Variants in CTNNA2 observed in about 807,000 individuals in gnomAD.
The protein encoded by CTNNA2 is catenin alpha-2.
In CTNNA2, 42 loss-of-function variants were observed where a neutral mutation model predicts 101.0. The observed-to-expected ratio is 0.42, with a 90% CI of 0.32 to 0.54. The LOEUF is 0.54. Ranked by LOEUF, CTNNA2 falls within the 20% of genes least tolerant of loss-of-function variation. The pLI is 0.14. For synonymous variants in CTNNA2, 450 were observed against 456.4 expected (o/e 0.99, Z 0.18); for missense variants, 871 against 1,223.1 (o/e 0.71, Z 4.29).
intron 2 of CTNNA2, among the ~76,000 whole-genome samples, chr2:79,242,671 A>T (rs1674641750): frequency 6.6e-6 from 1 of 152,138 alleles, no homozygotes; most frequent in Admixed American, 6.6e-5. Flanking sequence ...ATTCATTTTT[A>T]ATATGTTAAT....
chr2:80,302,886 C>A lies in CTNNA2; in HGVS notation c.1057-90325C>A, dbSNP rs1255827883. 1 of 1,614,124 alleles carries A rather than the reference C, an allele frequency of 6.2e-7. No individual in the cohort carries two copies. Among genetic ancestry groups the A allele is most frequent in the South Asian group, 1.1e-5 (1 of 91,078 alleles). On this transcript the variant is annotated intron_variant, in intron 7 of 18. Coordinates refer to ENST00000402739, the MANE Select transcript of CTNNA2 (RefSeq NM_001282597.3). The surrounding 1 kb of genome is among the most constrained non-coding windows in gnomAD (Gnocchi z 6.4). ...CGCCCGCAATCCCACAGGTTCCCGGCCAGGGTGATGCTTGTCAGGGACTTC... is the reference window on the plus strand; with the variant it reads ...CGCCCGCAATCCCACAGGTTCCCGGACAGGGTGATGCTTGTCAGGGACTTC...
intron 7 of CTNNA2, among the ~76,000 whole-genome samples, chr2:80,293,068 C>T (rs1281746377): frequency 6.6e-6 from 1 of 152,210 alleles, no homozygotes; most frequent in Admixed American, 6.5e-5. Flanking sequence ...AACACAGTCT[C>T]AGTTTCAGGG....
chr2:80,290,637 T>C (rs1032480189), intron 7 of CTNNA2, among the ~76,000 whole-genome samples: 15 of 152,140 alleles, frequency 9.9e-5, no homozygotes, highest in African/African-American at 3.4e-4. Context: ...GAAATCTTAA[T>C]ACCACAGATA....
intron 7 of CTNNA2, among the ~76,000 whole-genome samples, chr2:80,134,473 T>G (rs190807530): frequency 1.3e-5 from 2 of 152,112 alleles, no homozygotes; most frequent in East Asian, 1.9e-4. Context: ...TCCAGGGGGG[T>G]TTGCAGAAAA....
chr2:80,312,850 G>A (rs890042650), intron 7 of CTNNA2, among the ~76,000 whole-genome samples: 4 of 152,234 alleles, frequency 2.6e-5, no homozygotes, highest in Admixed American at 6.5e-5. Context: ...ACCTTTAAAG[G>A]GAGAAGAAGA....
At chr2:80,056,369 GTC>G (rs949988901) in intron 7 of CTNNA2, among the ~76,000 whole-genome samples, 58 of 152,300 alleles carry the variant, frequency 3.8e-4, no homozygotes, top group African/African-American at 1.3e-3. Flanking sequence ...CTAGAAAAGA[GTC>G]TTTATTCTGG....
intron 9 of CTNNA2, among the ~76,000 whole-genome samples, chr2:80,443,539 A>G (rs553020063): frequency 6.6e-6 from 1 of 152,304 alleles, no homozygotes; most frequent in African/African-American, 2.4e-5. Context: ...AACTGGAATC[A>G]GGAGATCTGT....
intron 4 of CTNNA2, among the ~76,000 whole-genome samples, chr2:79,466,999 C>T (rs546489257): frequency 7.2e-5 from 11 of 152,182 alleles, no homozygotes; most frequent in Non-Finnish European, 1.0e-4. Flanking sequence ...TGCAGCTCCT[C>T]GCTAACAATG....
At chr2:80,539,951 A>C (rs942381635) in intron 9 of CTNNA2, among the ~76,000 whole-genome samples, 1 of 152,222 alleles carries the variant, frequency 6.6e-6, no homozygotes, top group Non-Finnish European at 1.5e-5. Context: ...AAGAGTGGAG[A>C]AGGCAGAGGC....
At chr2:79,721,621 A>G (rs373029575) in intron 2 of CTNNA2, among the ~76,000 whole-genome samples, 2 of 152,352 alleles carry the variant, frequency 1.3e-5, no homozygotes, top group South Asian at 4.1e-4. Context: ...GGTATTATCT[A>G]TGCACAAACA....
At chr2:79,599,345 A>T (rs780572211) in intron 1 of CTNNA2, among the ~76,000 whole-genome samples, 22 of 152,194 alleles carry the variant, frequency 1.4e-4, no homozygotes, top group Admixed American at 3.3e-4. Flanking sequence ...ATAAGTATTA[A>T]GGATATAAAC....
In CTNNA2 at chr2:79,316,238, T is replaced by A. The variant is rs1474317843; in HGVS notation, c.-318+3442T>A. On this transcript the variant is annotated intron_variant, in intron 3 of 21. Transcript: ENST00000466387. Reference sequence around the variant, plus strand: ...CCATTGAATTGTATTGACACCTTTGTTAAAATCCAATTAACCATATATGTA... The same window carrying A: ...CCATTGAATTGTATTGACACCTTTGATAAAATCCAATTAACCATATATGTA... 2.0e-5 allele frequency among the ~76,000 whole-genome samples: 3 copies of A among 152,224 alleles called. No individual in the cohort carries two copies. The East Asian group carries it at 5.8e-4, about 29-fold the overall frequency.
intron 7 of CTNNA2, among the ~76,000 whole-genome samples, chr2:79,954,944 G>A (rs1442283164): frequency 2.0e-5 from 3 of 152,140 alleles, no homozygotes; most frequent in African/African-American, 7.2e-5. Flanking sequence ...AACTTCAGAA[G>A]AAATACCCTT....
intron 4 of CTNNA2, among the ~76,000 whole-genome samples, chr2:79,492,649 CAT>C (rs1188975497): frequency 6.6e-6 from 1 of 151,982 alleles, no homozygotes; most frequent in Non-Finnish European, 1.5e-5. Context: ...AAAGCCCAAA[CAT>C]ATAAAGAAGT....
chr2:79,793,709 G>A (rs1173695552), intron 3 of CTNNA2, among the ~76,000 whole-genome samples: 1 of 152,096 alleles, frequency 6.6e-6, no homozygotes, highest in Non-Finnish European at 1.5e-5. Context: ...AGGTGAAGGG[G>A]AGGCATCTTA....
intron 4 of CTNNA2, among the ~76,000 whole-genome samples, chr2:79,457,222 AG>A (rs1670835790): frequency 1.3e-5 from 2 of 151,852 alleles, no homozygotes; most frequent in African/African-American, 4.8e-5. Context: ...AAAAAGAAAA[AG>A]AAAATTAGAA....
exon 4 of CTNNA2, chr2:79,374,008 C>T (rs560020604): frequency 6.6e-6 from 1 of 152,186 alleles, no homozygotes; most frequent in Non-Finnish European, 1.5e-5. Flanking sequence ...CTGGCTGAAC[C>T]TAAAGGCAAG....
intron 4 of CTNNA2, among the ~76,000 whole-genome samples, chr2:79,503,531 G>C (rs1671349461): frequency 2.0e-5 from 3 of 152,256 alleles, no homozygotes; most frequent in African/African-American, 7.2e-5. Context: ...CTTAGAAGCA[G>C]CTGCCTTAAC....
chr2:80,311,531 G>A (rs1677588245), intron 7 of CTNNA2, among the ~76,000 whole-genome samples: 1 of 152,212 alleles, frequency 6.6e-6, no homozygotes, highest in Non-Finnish European at 1.5e-5. Flanking sequence ...AAAGAGGGCT[G>A]GCTTGGGGCC....
Sources: gnomAD v4.1 joint callset for allele counts (sites outside exome capture counted in the v4.1 genomes callset) on GRCh38, gnomAD v4.1.1 for gene constraint, Gnocchi (gnomAD v3.1) non-coding constraint, MANE v1.5 for transcripts, NCBI Gene and HGNC (gene_info 2026-07-23, HGNC 2026-07-21) for gene names.